ITGB3BP: variants seen among roughly 807,000 people sequenced by gnomAD.
ITGB3BP encodes the protein integrin subunit beta 3 binding protein, also known as centromere protein R.
Under a neutral mutation model 29.1 loss-of-function variants are expected in ITGB3BP, and 27 were observed. That is an observed-to-expected ratio of 0.93 (90% CI 0.68 to 1.28). The LOEUF is 1.28. ITGB3BP is among the 50% of genes most tolerant of loss of function. ITGB3BP has a pLI of 0.00. For synonymous variants in ITGB3BP, 61 were observed against 61.4 expected, an observed-to-expected ratio of 0.99 and a Z score of 0.03; for missense variants, 192 against 200.2, an observed-to-expected ratio of 0.96 and a Z score of 0.25.
intron 4 of ITGB3BP, among the ~76,000 whole-genome samples, chr1:63,462,269 A>C (rs983923383): frequency 1.3e-5 from 2 of 152,086 alleles, no homozygotes. Flanking sequence ...TTAATTTCCT[A>C]TTCAAATTCA....
intron 1 of ITGB3BP, among the ~76,000 whole-genome samples, chr1:63,519,885 A>C (rs893265974): frequency 6.6e-6 from 1 of 152,130 alleles, no homozygotes; most frequent in Non-Finnish European, 1.5e-5. Context: ...TCAGACTATA[A>C]ATACAGCAGC....
intron 3 of ITGB3BP, among the ~76,000 whole-genome samples, chr1:63,485,749 T>A (rs753041589): frequency 6.6e-6 from 1 of 152,072 alleles, no homozygotes; most frequent in African/African-American, 2.4e-5. Context: ...GATTCTTAAT[T>A]GATACTATTA....
intron 4 of ITGB3BP, among the ~76,000 whole-genome samples, chr1:63,470,189 T>C (rs945347491): frequency 1.3e-5 from 2 of 152,224 alleles, no homozygotes; most frequent in African/African-American, 2.4e-5. Flanking sequence ...CTCTCAGCTC[T>C]AAAGGCTGTG....
chr1:63,497,923 C>CG (rs2100718020), intron 2 of ITGB3BP, among the ~76,000 whole-genome samples: 1 of 15,790 alleles, frequency 6.3e-5, no homozygotes, highest in Admixed American at 1.6e-3. Flanking sequence ...CTTTTCCTTT[C>CG]CCCCTTTTTC....
At chr1:63,441,752 C>T (rs1376664168) in intron 8 of ITGB3BP, among the ~76,000 whole-genome samples, 2 of 152,158 alleles carry the variant, frequency 1.3e-5, no homozygotes, top group Non-Finnish European at 2.9e-5. Flanking sequence ...TGCCCCCCGC[C>T]CAAAAGACAG....
chr1:63,525,640 G>A (rs145086809), upstream of ITGB3BP: 1 of 1,602,954 alleles, frequency 6.2e-7, no homozygotes, highest in Non-Finnish European at 8.5e-7. Context: ...GAGAGTCCTC[G>A]AACAAAGAAA....
intron 2 of ITGB3BP, among the ~76,000 whole-genome samples, chr1:63,491,927 T>TCA (rs34463632): frequency 0.73 from 111,234 of 151,776 alleles, 42,843 homozygotes; most frequent in Non-Finnish European, 0.85. Flanking sequence ...TTGTATGTAT[T>TCA]CAGTCATAAA....
intron 2 of ITGB3BP, among the ~76,000 whole-genome samples, chr1:63,528,340 A>G (rs1465838462): frequency 6.6e-6 from 1 of 152,226 alleles, no homozygotes; most frequent in Non-Finnish European, 1.5e-5. Context: ...ACAGAAAGGC[A>G]AACATCACAC....
intron 1 of ITGB3BP, among the ~76,000 whole-genome samples, chr1:63,521,282 T>A (rs1646438494): frequency 6.6e-6 from 1 of 151,854 alleles, no homozygotes; most frequent in South Asian, 2.1e-4. Flanking sequence ...AACACTTAAT[T>A]TACTAACAAT....
intron 1 of ITGB3BP, among the ~76,000 whole-genome samples, chr1:63,518,553 T>TA (rs146043101): frequency 0.021 from 3,225 of 152,090 alleles, 121 homozygotes; most frequent in African/African-American, 0.074. Flanking sequence ...TCTCTCCTGT[T>TA]AGACTGTTAT....
At chr1:63,525,047 A>G (rs10889427), upstream of ITGB3BP, among the ~76,000 whole-genome samples, 22,691 of 152,166 alleles carry the variant, frequency 0.15, 2,204 homozygotes, top group South Asian at 0.22. Flanking sequence ...ATGGGTGTCA[A>G]CTACCACTCA....
chr1:63,484,487 A>G (rs1042054659), intron 3 of ITGB3BP, among the ~76,000 whole-genome samples: 4 of 152,084 alleles, frequency 2.6e-5, no homozygotes, highest in African/African-American at 4.8e-5. Context: ...ACTTTCCATT[A>G]TAATTTTTCT....
chr1:63,444,891 A>G (rs1167330202), intron 8 of ITGB3BP, among the ~76,000 whole-genome samples: 2 of 152,042 alleles, frequency 1.3e-5, no homozygotes, highest in African/African-American at 4.8e-5. Flanking sequence ...CAATTGCCTT[A>G]CCTATAAAAT....
At position 63,469,336 on chromosome 1, in the gene ITGB3BP, T is replaced by A. The variant is rs1380076749; in HGVS notation, c.254+9428A>T. Among the ~76,000 whole-genome samples, 12 of 152,042 alleles carry A rather than the reference T, an allele frequency of 7.9e-5. 1 individual carries two copies. Among genetic ancestry groups the A allele is most frequent in the African/African-American group, 2.9e-4 (12 of 41,536 alleles). Reference sequence around the variant, plus strand: ...TAAATTATTATTATTATTATTTTTTTTTTTTTTGAGACAGAGTCTTGCTCT... The same window carrying A: ...TAAATTATTATTATTATTATTTTTTATTTTTTTGAGACAGAGTCTTGCTCT... On this transcript the variant is annotated intron_variant, in intron 4 of 8. Transcript: ENST00000271002.
chr1:63,516,712 GA>G (rs60397963), intron 1 of ITGB3BP, among the ~76,000 whole-genome samples: 21,111 of 115,628 alleles, frequency 0.18, 1,523 homozygotes, highest in Middle Eastern at 0.27. Context: ...CTTGTTTCAT[GA>G]AAAAAAAAAA....
chr1:63,447,317 T>TA (rs1557605555), intron 7 of ITGB3BP, among the ~76,000 whole-genome samples: 1 of 152,274 alleles, frequency 6.6e-6, no homozygotes, highest in East Asian at 1.9e-4. Context: ...GATAATTCTT[T>TA]AAAAAAAGTT....
At chr1:63,522,351 G>C (rs1276772109) in intron 1 of ITGB3BP, among the ~76,000 whole-genome samples, 1 of 152,078 alleles carries the variant, frequency 6.6e-6, no homozygotes, top group East Asian at 1.9e-4. Flanking sequence ...ATAAACTAAG[G>C]AACAGGTTAC....
At chr1:63,456,289 T>C (rs530935949) in intron 4 of ITGB3BP, among the ~76,000 whole-genome samples, 47 of 152,312 alleles carry the variant, frequency 3.1e-4, no homozygotes, top group African/African-American at 9.9e-4. Flanking sequence ...TTTGATAGCA[T>C]TATGAAAAAG....
At chr1:63,501,830 C>A (rs1645937645) in intron 2 of ITGB3BP, among the ~76,000 whole-genome samples, 1 of 151,748 alleles carries the variant, frequency 6.6e-6, no homozygotes, top group South Asian at 2.1e-4. Flanking sequence ...ACAATGTACT[C>A]CAGCCTGGGC....
Sources: gnomAD v4.1 joint callset for allele counts (sites outside exome capture counted in the v4.1 genomes callset) on GRCh38, gnomAD v4.1.1 for gene constraint, MANE v1.5 for transcripts, NCBI Gene and HGNC (gene_info 2026-07-23, HGNC 2026-07-21) for gene names.